ATE1: variants seen among roughly 807,000 people sequenced by gnomAD.
ATE1 encodes the protein arginyl-tRNA--protein transferase 1.
In ATE1, 36 loss-of-function variants were observed where a neutral mutation model predicts 70.5. The ratio of observed to expected loss-of-function variants is 0.51; its 90% CI spans 0.39 to 0.67. The LOEUF (loss-of-function observed/expected upper bound fraction) is 0.67, where lower values mean the gene tolerates loss of function less well. ATE1 is among the 30% of genes least tolerant of loss of function. The pLI is 0.00. For synonymous variants in ATE1, 232 were observed against 219.3 expected, an observed-to-expected ratio of 1.06 and a Z score of -0.51; for missense variants, 593 against 629.5, an observed-to-expected ratio of 0.94 and a Z score of 0.62.
At chr10:121,826,939 T>C (rs764303263) in intron 10 of ATE1, among the ~76,000 whole-genome samples, 8 of 152,204 alleles carry the variant, frequency 5.3e-5, no homozygotes, top group Non-Finnish European at 1.0e-4. Context: ...GCAAAGTACA[T>C]AATTTCATTC....
rs762388208 is a variant in ATE1 at position 121,922,461 on chromosome 10, A to C, written c.171-50T>G. On this transcript the variant is annotated intron_variant, in intron 2 of 11. Transcript: ENST00000224652. ...AATGTCTTATATATTTTTCACTTGC[A>C]CCAAAACAGCCTAGCACAGGAGCAT... is the stretch of plus-strand genomic sequence containing the variant. 6.2e-6 allele frequency: 7 copies of C among 1,134,460 alleles called. No individual in the cohort carries two copies. In the South Asian group the frequency reaches 9.3e-5, roughly 15 times the overall value. The allele number at this position is 1,134,460 out of a possible 1,614,324, so 70.3% of individuals were successfully genotyped here.
chr10:121,794,610 CAAAAAAAAAAAA>C (rs71022866), intron 10 of ATE1, among the ~76,000 whole-genome samples: 88 of 77,506 alleles, frequency 1.1e-3, no homozygotes, highest in East Asian at 2.0e-3. Flanking sequence ...ACCCTGTCTC[CAAAAAAAAAAAA>C]AAAAAAAAAA....
intron 7 of ATE1, among the ~76,000 whole-genome samples, chr10:121,871,842 A>G (rs1949873267): frequency 1.3e-5 from 2 of 152,244 alleles, no homozygotes; most frequent in South Asian, 4.1e-4. Flanking sequence ...ACTTTCTGAA[A>G]GTGCAAAATA....
chr10:121,882,168 T>C (rs944501629), intron 7 of ATE1, among the ~76,000 whole-genome samples: 1 of 151,750 alleles, frequency 6.6e-6, no homozygotes, highest in Non-Finnish European at 1.5e-5. Context: ...TATATGTTGA[T>C]AAATCAAACT....
chr10:121,812,214 C>G (rs115480727), intron 10 of ATE1, among the ~76,000 whole-genome samples: 2,520 of 152,088 alleles, frequency 0.017, 66 homozygotes, highest in African/African-American at 0.058. Context: ...CTTTGGCCTC[C>G]CAAAGTGCTG....
At chr10:121,911,848 G>A (rs1229059674) in intron 4 of ATE1, among the ~76,000 whole-genome samples, 4 of 152,084 alleles carry the variant, frequency 2.6e-5, no homozygotes, top group East Asian at 1.9e-4. Context: ...CCAAGTTCAC[G>A]CCATTCTCCT....
At chr10:121,791,086 G>T (rs200240827) in intron 10 of ATE1, among the ~76,000 whole-genome samples, 1 of 125,574 alleles carries the variant, frequency 8.0e-6, no homozygotes, top group Non-Finnish European at 1.7e-5. Flanking sequence ...GTGTGTGTGT[G>T]TGTATATATA....
At position 121,741,574 on chromosome 10, in the gene ATE1, A is replaced by C. The variant is rs771721578; in HGVS notation, c.*2106T>G. On this transcript the variant is annotated 3_prime_UTR_variant, in exon 12 of 12. Coordinates refer to ENST00000224652, the MANE Select transcript of ATE1 (RefSeq NM_001001976.3). ...TATTCAAGGGTTGTGATCTTTATGA[A>C]TACCATTTTACATGCTAATCACAAA... is the stretch of plus-strand genomic sequence containing the variant. 1 of 152,226 alleles carries C rather than the reference A, an allele frequency of 6.6e-6. No individual in the cohort carries two copies. Among genetic ancestry groups the C allele is most frequent in the Non-Finnish European group, 1.5e-5 (1 of 68,042 alleles). The allele number at this position is 152,226 out of a possible 1,614,324, so 9.4% of individuals were successfully genotyped here.
chr10:121,864,484 G>C (rs1363921614), intron 8 of ATE1, among the ~76,000 whole-genome samples: 1 of 152,202 alleles, frequency 6.6e-6, no homozygotes, highest in East Asian at 1.9e-4. Context: ...GTCCCAGTCT[G>C]GGAACTGGGG....
At chr10:121,813,160 C>G (rs556191298) in intron 10 of ATE1, among the ~76,000 whole-genome samples, 1 of 152,272 alleles carries the variant, frequency 6.6e-6, no homozygotes, top group East Asian at 1.9e-4. Flanking sequence ...TGAAATCAAG[C>G]CCAACACAAA....
chr10:121,886,500 C>T (rs1950404736), intron 7 of ATE1, among the ~76,000 whole-genome samples: 1 of 152,180 alleles, frequency 6.6e-6, no homozygotes. Context: ...GAACAGACTC[C>T]TGTCCAGGGT....
At chr10:121,862,627 A>G (rs918090376) in intron 8 of ATE1, among the ~76,000 whole-genome samples, 3 of 145,590 alleles carry the variant, frequency 2.1e-5, no homozygotes, top group African/African-American at 7.8e-5. Flanking sequence ...ACCTGTCTCA[A>G]CCTCCCAAAG....
intron 11 of ATE1, among the ~76,000 whole-genome samples, chr10:121,750,785 T>G (rs1049309395): frequency 5.9e-5 from 9 of 152,256 alleles, no homozygotes. Flanking sequence ...CCAAGGAAGA[T>G]ACTTATATAA....
Position 121,928,014 on chromosome 10 carries a change from C to A in ATE1, c.-65G>T. The A allele has an allele frequency of 7.5e-7, 1 of 1,336,660 alleles. No homozygotes were observed. Among genetic ancestry groups the A allele is most frequent in the Non-Finnish European group, 9.6e-7 (1 of 1,042,970 alleles). The allele number at this position is 1,336,660 out of a possible 1,614,324, so 82.8% of individuals were successfully genotyped here. ...TCGCTAGCGCGGCCGCCGCCGCCAC[C>A]CCACAATGCAGCGCGCCGCCCGGGA... On this transcript the variant is annotated 5_prime_UTR_variant, in exon 1 of 12. Coordinates refer to ENST00000224652, the MANE Select transcript of ATE1 (RefSeq NM_001001976.3).
intron 7 of ATE1, among the ~76,000 whole-genome samples, chr10:121,893,865 C>A (rs1044762890): frequency 2.0e-5 from 3 of 152,114 alleles, no homozygotes; most frequent in Non-Finnish European, 4.4e-5. Flanking sequence ...AGGCTGGGTG[C>A]GGTGGCTCAT....
At chr10:121,859,322 T>A (rs529695788) in intron 8 of ATE1, among the ~76,000 whole-genome samples, 12 of 150,438 alleles carry the variant, frequency 8.0e-5, no homozygotes, top group Non-Finnish European at 1.6e-4. Flanking sequence ...AGTGGCGGGA[T>A]CTCGGCTCAC....
At chr10:121,761,590 C>CCA in intron 11 of ATE1, among the ~76,000 whole-genome samples, 1 of 152,164 alleles carries the variant, frequency 6.6e-6, no homozygotes, top group East Asian at 1.9e-4. Flanking sequence ...TGATCTAGAG[C>CCA]AGAACACATA....
intron 4 of ATE1, 151 bp from the exon 5 acceptor site, chr10:121,911,302 C>G (rs890909684): frequency 2.0e-6 from 2 of 1,015,796 alleles, no homozygotes. Context: ...GAGAGCTGCA[C>G]TTAAGACTGG....
At chr10:121,881,753 T>C (rs147839860) in intron 7 of ATE1, among the ~76,000 whole-genome samples, 1,727 of 151,740 alleles carry the variant, frequency 0.011, 16 homozygotes, top group Non-Finnish European at 0.017. Context: ...TGTGGTATAA[T>C]AGATGAATCA....
Sources: allele counts gnomAD v4.1 joint callset (sites outside exome capture counted in the v4.1 genomes callset), GRCh38; gene constraint gnomAD v4.1.1; transcripts MANE v1.5; gene names NCBI Gene and HGNC (gene_info 2026-07-23, HGNC 2026-07-21).